Variants in DLG2 observed in about 807,000 individuals in gnomAD.
DLG2 encodes disks large homolog 2.
Under a neutral mutation model 132.5 loss-of-function variants are expected in DLG2, and 45 were observed. The ratio of observed to expected loss-of-function variants is 0.34; its 90% confidence interval spans 0.27 to 0.44. The LOEUF is 0.44. Ranked by LOEUF, DLG2 falls within the 20% of genes least tolerant of loss-of-function variation. The pLI, the probability that DLG2 is intolerant of heterozygous loss-of-function variation, is 1.00. For missense variants in DLG2, 1,045 were observed against 1,196.9 expected (o/e 0.87, Z 1.87); for synonymous variants, 424 against 419.6 (o/e 1.01, Z -0.13).
chr11:85,319,733 G>C (rs74907734), intron 3 of DLG2, among the ~76,000 whole-genome samples: 4 of 151,784 alleles, frequency 2.6e-5, no homozygotes, highest in African/African-American at 9.7e-5. Context: ...TGTTCAATGT[G>C]CATTAACATA....
chr11:83,823,179 C>T (rs2153984114), intron 17 of DLG2, among the ~76,000 whole-genome samples: 2 of 152,182 alleles, frequency 1.3e-5, no homozygotes, highest in South Asian at 4.1e-4. Flanking sequence ...CTTTTTGACT[C>T]AAAAGAGATT....
At chr11:83,836,859 TAG>T (rs2056309019) in intron 16 of DLG2, among the ~76,000 whole-genome samples, 1 of 152,156 alleles carries the variant, frequency 6.6e-6, no homozygotes, top group South Asian at 2.1e-4. Context: ...TGATGTAAAA[TAG>T]AGTCCTCTTG....
chr11:84,477,013 CT>C (rs2099123522), intron 7 of DLG2, among the ~76,000 whole-genome samples: 2 of 152,060 alleles, frequency 1.3e-5, no homozygotes, highest in East Asian at 3.9e-4. Flanking sequence ...ATACAGTAAT[CT>C]TTAGACAGAC....
At chr11:85,284,317 G>T (rs2078423016) in intron 4 of DLG2, among the ~76,000 whole-genome samples, 1 of 151,346 alleles carries the variant, frequency 6.6e-6, no homozygotes, top group Non-Finnish European at 1.5e-5. Flanking sequence ...ATTAGGCTCT[G>T]TCCTTCCCAG....
Position 84,475,072 on chromosome 11 carries a change from C to A in DLG2, c.519+59498G>T, listed in dbSNP as rs755194174. Among the ~76,000 whole-genome samples the A allele has an allele frequency of 9.2e-5, 14 of 151,986 alleles. No homozygotes were observed. The South Asian group carries it at 1.2e-3, about 14-fold the overall frequency. On this transcript the variant is annotated intron_variant, in intron 7 of 27. Transcript: ENST00000376104. ...GACCATAAAATCTGCTAGATGTTAC[C>A]AAAAATATAGAAGCATGAGCTGATA...
intron 7 of DLG2, among the ~76,000 whole-genome samples, chr11:84,469,232 T>A (rs990276736): frequency 2.0e-5 from 3 of 151,658 alleles, no homozygotes; most frequent in Non-Finnish European, 3.0e-5. Context: ...GGAAGAGGAA[T>A]GAGTTTGAGG....
intron 3 of DLG2, among the ~76,000 whole-genome samples, chr11:85,487,224 T>C (rs891201677): frequency 2.0e-4 from 30 of 151,678 alleles, no homozygotes; most frequent in African/African-American, 6.5e-4. Context: ...ACACCAGATA[T>C]GTAGACATGA....
intron 21 of DLG2, among the ~76,000 whole-genome samples, chr11:83,491,916 C>T (rs779437039): frequency 9.2e-5 from 14 of 151,722 alleles, no homozygotes; most frequent in Non-Finnish European, 1.9e-4. Context: ...ATCGTAACAT[C>T]ATCTACACCA....
chr11:84,330,560 G>A (rs1258731868), intron 7 of DLG2, among the ~76,000 whole-genome samples: 1 of 152,186 alleles, frequency 6.6e-6, no homozygotes, highest in Admixed American at 6.5e-5. Context: ...AGGAAAACCT[G>A]TGCAAAATGA....
At chr11:83,485,465 G>C (rs2137640537) in intron 21 of DLG2, among the ~76,000 whole-genome samples, 1 of 152,156 alleles carries the variant, frequency 6.6e-6, no homozygotes, top group South Asian at 2.1e-4. Context: ...GGCTGATTTG[G>C]CTCTGAGGGT....
At chr11:85,538,139 A>T (rs1222413075) in intron 3 of DLG2, among the ~76,000 whole-genome samples, 1 of 151,780 alleles carries the variant, frequency 6.6e-6, no homozygotes, top group Non-Finnish European at 1.5e-5. Context: ...AAATTAAAAA[A>T]TAAAAAAAGA....
intron 5 of DLG2, among the ~76,000 whole-genome samples, chr11:85,140,518 G>A (rs2076397653): frequency 6.6e-6 from 1 of 151,214 alleles, no homozygotes; most frequent in South Asian, 2.1e-4. Context: ...AATGTTTAAT[G>A]ATCACATCAG....
chr11:84,351,816 A>C (rs2098575247), intron 7 of DLG2, among the ~76,000 whole-genome samples: 1 of 152,176 alleles, frequency 6.6e-6, no homozygotes, highest in Non-Finnish European at 1.5e-5. Context: ...ATTAGAACAG[A>C]CTGTAACAAT....
At chr11:84,264,313 C>T (rs1204423380) in intron 7 of DLG2, among the ~76,000 whole-genome samples, 1 of 152,142 alleles carries the variant, frequency 6.6e-6, no homozygotes, top group Non-Finnish European at 1.5e-5. Flanking sequence ...TTCTAGCTTC[C>T]CACAGTGGCA....
intron 3 of DLG2, among the ~76,000 whole-genome samples, chr11:85,330,569 C>T (rs1209550383): frequency 9.7e-6 from 1 of 103,456 alleles, no homozygotes; most frequent in Admixed American, 1.1e-4. Flanking sequence ...TAGGTGGGAA[C>T]TGAACAATGA....
rs542328539 is a variant in DLG2 at position 85,246,847 on chromosome 11, G to A, written c.186+38373C>T. On this transcript the variant is annotated intron_variant, in intron 4 of 27. Coordinates refer to ENST00000376104, the MANE Select transcript of DLG2 (RefSeq NM_001142699.3). ...GAAGATAGAAGTAATGCAAGATAAC[G>A]ATCACTAACATAGTTATCCAATCAG... Among the ~76,000 whole-genome samples the A allele has an allele frequency of 2.6e-5, 4 of 152,072 alleles. No homozygotes were observed. The East Asian group carries it at 5.8e-4, about 22-fold the overall frequency.
intron 7 of DLG2, among the ~76,000 whole-genome samples, chr11:84,508,097 G>T (rs544903426): frequency 6.6e-6 from 1 of 151,952 alleles, no homozygotes; most frequent in Non-Finnish European, 1.5e-5. Flanking sequence ...TTTTCCACTG[G>T]GTTCTCATCT....
At chr11:85,033,585 A>G (rs1175675342) in intron 6 of DLG2, among the ~76,000 whole-genome samples, 1 of 152,184 alleles carries the variant, frequency 6.6e-6, no homozygotes, top group Non-Finnish European at 1.5e-5. Context: ...TGGCAAATGG[A>G]AAGTCACCCT....
intron 6 of DLG2, among the ~76,000 whole-genome samples, chr11:84,671,970 A>G (rs530382611): frequency 2.6e-5 from 4 of 152,278 alleles, no homozygotes; most frequent in Admixed American, 6.5e-5. Flanking sequence ...TTAAGACTAT[A>G]TAAGTATCTA....
Sources: allele counts gnomAD v4.1 joint callset (sites outside exome capture counted in the v4.1 genomes callset), GRCh38; gene constraint gnomAD v4.1.1; transcripts MANE v1.5; gene names NCBI Gene and HGNC (gene_info 2026-07-23, HGNC 2026-07-21).